Variants in ANKRD28 observed in about 807,000 individuals in gnomAD.
ANKRD28 encodes serine/threonine-protein phosphatase 6 regulatory ankyrin repeat subunit A.
ANKRD28 carries 44 observed loss-of-function variants against 126.5 expected under a neutral mutation model. That is an observed-to-expected ratio of 0.35 (90% confidence interval 0.27 to 0.45). ANKRD28 has a LOEUF of 0.45. Among genes scored for constraint, ANKRD28 ranks in the 20% least tolerant of loss-of-function variants. The pLI, the probability that ANKRD28 is intolerant of heterozygous loss-of-function variation, is 1.00. For missense variants in ANKRD28, 1,110 were observed against 1,316.6 expected, an observed-to-expected ratio of 0.84 and a Z score of 2.43; for synonymous variants, 442 against 468.5, an observed-to-expected ratio of 0.94 and a Z score of 0.73.
chr3:15,673,642 A>G lies in ANKRD28; in HGVS notation c.2965+2256T>C, dbSNP rs79136839. 9.4e-3 allele frequency among the ~76,000 whole-genome samples: 1,425 copies of G among 152,330 alleles called. 12 individuals are homozygous for G. Among genetic ancestry groups the G allele is most frequent in the East Asian group, 0.048 (247 of 5,186 alleles). ...GGTATCTAGCAAGTTGTAGTAAAGAATAGTTAGAATATGCTTCATTGAGAA... is the reference window on the plus strand; with the variant it reads ...GGTATCTAGCAAGTTGTAGTAAAGAGTAGTTAGAATATGCTTCATTGAGAA... On this transcript the variant is annotated intron_variant, in intron 27 of 27. Transcript: ENST00000683139.
At chr3:15,791,288 A>G (rs953290006) in intron 2 of ANKRD28, among the ~76,000 whole-genome samples, 1 of 152,174 alleles carries the variant, frequency 6.6e-6, no homozygotes, top group African/African-American at 2.4e-5. Context: ...TGGAACCAGA[A>G]AAGACCCAGA....
chr3:15,844,543 A>G (rs1029747264), intron 1 of ANKRD28, among the ~76,000 whole-genome samples: 6 of 152,240 alleles, frequency 3.9e-5, no homozygotes, highest in Admixed American at 3.3e-4. Context: ...GTGATTTTGT[A>G]ATGGATCTGG....
At chr3:15,791,120 T>C (rs2060003622) in intron 2 of ANKRD28, among the ~76,000 whole-genome samples, 1 of 151,896 alleles carries the variant, frequency 6.6e-6, no homozygotes, top group African/African-American at 2.4e-5. Flanking sequence ...ATGAAGAAAA[T>C]TGAAGAGGAC....
intron 1 of ANKRD28, among the ~76,000 whole-genome samples, chr3:15,829,562 T>C (rs898445253): frequency 6.6e-6 from 1 of 152,204 alleles, no homozygotes; most frequent in African/African-American, 2.4e-5. Context: ...CCATGTGTCA[T>C]TTTACAATAT....
intron 2 of ANKRD28, among the ~76,000 whole-genome samples, chr3:15,795,013 T>A (rs2060211035): frequency 6.6e-6 from 1 of 152,090 alleles, no homozygotes; most frequent in Non-Finnish European, 1.5e-5. Context: ...AATTTCAAAG[T>A]AAAAAGCTGG....
chr3:15,807,928 G>A (rs13319692), intron 1 of ANKRD28, among the ~76,000 whole-genome samples: 3,469 of 152,288 alleles, frequency 0.023, 141 homozygotes, highest in African/African-American at 0.076. Flanking sequence ...ATATGGGGCA[G>A]GGATAAACAT....
chr3:15,834,704 T>C (rs973570811), intron 1 of ANKRD28, among the ~76,000 whole-genome samples: 11 of 152,238 alleles, frequency 7.2e-5, no homozygotes, highest in African/African-American at 2.4e-4. Context: ...CCCAGGAATA[T>C]AAAAATTTTC....
intron 1 of ANKRD28, among the ~76,000 whole-genome samples, chr3:15,842,429 G>A (rs945628285): frequency 3.9e-5 from 6 of 152,036 alleles, no homozygotes; most frequent in Admixed American, 6.5e-5. Flanking sequence ...CTTTCTCAGA[G>A]GCTGGGAAGG....
At position 15,838,131 on chromosome 3, in the gene ANKRD28, C is replaced by A. The variant is rs1170826773; in HGVS notation, c.27+21246G>T. On this transcript the variant is annotated intron_variant, in intron 1 of 27. Coordinates refer to the ANKRD28 transcript ENST00000399451. This position sits in a 1 kb window ranked among gnomAD's most constrained non-coding sequence, Gnocchi z 4.0. ...AACTAAAGAAATTAGTAATTAAAATCTTCCCACAAAGAAAAGCCTTGGCCC... is the reference window on the plus strand; with the variant it reads ...AACTAAAGAAATTAGTAATTAAAATATTCCCACAAAGAAAAGCCTTGGCCC... Among the ~76,000 whole-genome samples the A allele has an allele frequency of 6.6e-6, 1 of 152,110 alleles. No homozygotes were observed. The highest frequency in any genetic ancestry group is 1.9e-4 in the East Asian group (1 of 5,190).
intron 22 of ANKRD28, 33 bp from the exon 23 acceptor site, chr3:15,679,417 G>T (rs1202431945): frequency 6.2e-7 from 1 of 1,612,426 alleles, no homozygotes; most frequent in Non-Finnish European, 8.5e-7. Flanking sequence ...CATTCTCACA[G>T]CAATGGTGTA....
chr3:15,842,011 TATA>T (rs1278029431), intron 1 of ANKRD28, among the ~76,000 whole-genome samples: 1 of 150,156 alleles, frequency 6.7e-6, no homozygotes, highest in Non-Finnish European at 1.5e-5. Flanking sequence ...AATTTATATG[TATA>T]ATGTTATATA....
chr3:15,814,290 T>C lies in ANKRD28; in HGVS notation c.28-18984A>G. Reference sequence around the variant, plus strand: ...TCCTCTGGTGGAGGCAGTTGTACTGTTTCAATTCCAATCACAGGCCTGTAG... The same window carrying C: ...TCCTCTGGTGGAGGCAGTTGTACTGCTTCAATTCCAATCACAGGCCTGTAG... On this transcript the variant is annotated intron_variant, in intron 1 of 27. Coordinates refer to the ANKRD28 transcript ENST00000399451. This position sits in a 1 kb window ranked among gnomAD's most constrained non-coding sequence, Gnocchi z 4.7. 7.8e-7 allele frequency: 1 copy of C among 1,276,324 alleles called. No homozygotes were observed. Among genetic ancestry groups the C allele is most frequent in the Non-Finnish European group, 1.0e-6 (1 of 984,334 alleles). The allele number at this position is 1,276,324 out of a possible 1,614,324, so 79.1% of individuals were successfully genotyped here. A position where few individuals can be genotyped will look rare whatever the true frequency, so the allele number is the denominator to read the frequency against.
chr3:15,821,997 C>T (rs535315643), intron 1 of ANKRD28, among the ~76,000 whole-genome samples: 8 of 152,228 alleles, frequency 5.3e-5, no homozygotes, highest in African/African-American at 1.9e-4. Context: ...AAACAATAAA[C>T]ATCTAAAGAC....
intron 2 of ANKRD28, among the ~76,000 whole-genome samples, chr3:15,787,855 A>C (rs1039631555): frequency 1.3e-5 from 2 of 152,238 alleles, no homozygotes; most frequent in Non-Finnish European, 2.9e-5. Context: ...ATGATTTCAG[A>C]AAGCGGTTTT....
At chr3:15,775,675 G>A (rs1360442679) in intron 2 of ANKRD28, among the ~76,000 whole-genome samples, 1 of 152,112 alleles carries the variant, frequency 6.6e-6, no homozygotes, top group Non-Finnish European at 1.5e-5. Context: ...ACAAAAAAGG[G>A]TACAGATGAA....
Position 15,715,341 on chromosome 3 carries a change from G to A in ANKRD28, c.997-685C>T, listed in dbSNP as rs780803327. ...CTTCCTAATCTCACAGCAACATTCA[G>A]CATGCCTTCTGCATAGGTACTAAAA... On this transcript the variant is annotated intron_variant, in intron 8 of 27. Coordinates refer to ENST00000683139, the MANE Select transcript of ANKRD28 (RefSeq NM_001349278.2). 1.8e-3 allele frequency among the ~76,000 whole-genome samples: 278 copies of A among 152,152 alleles called. 4 individuals are homozygous for A. The highest frequency in any genetic ancestry group is 1.9e-4 in the Non-Finnish European group (13 of 68,022).
chr3:15,850,547 A>T (rs1205863020), intron 1 of ANKRD28, among the ~76,000 whole-genome samples: 1 of 151,562 alleles, frequency 6.6e-6, no homozygotes, highest in Non-Finnish European at 1.5e-5. Context: ...GAACTGTATG[A>T]CTCCAACCTT....
chr3:15,808,476 T>C (rs1446117027), intron 1 of ANKRD28, among the ~76,000 whole-genome samples: 2 of 152,230 alleles, frequency 1.3e-5, no homozygotes, highest in Non-Finnish European at 1.5e-5. Context: ...AGCATATTTG[T>C]ATTTTCAACT....
rs200597352 is a variant in ANKRD28 at position 15,812,164 on chromosome 3, C to G, written c.28-16858G>C. Among the ~76,000 whole-genome samples the G allele has an allele frequency of 1.0e-4, 13 of 128,528 alleles. No homozygotes were observed. Among genetic ancestry groups the G allele is most frequent in the Admixed American group, 6.0e-4 (8 of 13,296 alleles). 84.3% of individuals were successfully genotyped at this position (128,528 alleles called of 152,430 possible). A position where few individuals can be genotyped will look rare whatever the true frequency, so the allele number is the denominator to read the frequency against. ...TGAGACTCTGGCAAACAAAACAAAACAAAACAAAACGAAACCCAAAACAAC... is the reference window on the plus strand; with the variant it reads ...TGAGACTCTGGCAAACAAAACAAAAGAAAACAAAACGAAACCCAAAACAAC... On this transcript the variant is annotated intron_variant, in intron 1 of 27. Transcript: ENST00000399451. This position sits in a 1 kb window ranked among gnomAD's most constrained non-coding sequence, Gnocchi z 4.1.
Sources: gnomAD v4.1 joint callset for allele counts (sites outside exome capture counted in the v4.1 genomes callset) on GRCh38, gnomAD v4.1.1 for gene constraint, Gnocchi (gnomAD v3.1) non-coding constraint, MANE v1.5 for transcripts, NCBI Gene and HGNC (gene_info 2026-07-23, HGNC 2026-07-21) for gene names.